Variants in SORL1 observed in about 807,000 individuals in gnomAD.
SORL1 encodes the protein sortilin related receptor 1.
In SORL1, 127 loss-of-function variants were observed where a neutral mutation model predicts 273.7. The ratio of observed to expected loss-of-function variants is 0.46; its 90% CI spans 0.40 to 0.54. The LOEUF (loss-of-function observed/expected upper bound fraction) is 0.54. SORL1 is among the 20% of genes least tolerant of loss of function. The pLI, the probability that SORL1 is intolerant of heterozygous loss-of-function variation, is 0.00. For synonymous variants in SORL1, 1,031 were observed against 1,067.4 expected (o/e 0.97, Z 0.66); for missense variants, 2,494 against 2,846.1 (o/e 0.88, Z 2.81).
In SORL1 at chr11:121,595,805, C is replaced by A; in HGVS notation, c.4519+33C>A. The A allele has an allele frequency of 6.2e-7, 1 of 1,603,652 alleles. No homozygotes were observed. Among genetic ancestry groups the A allele is most frequent in the Non-Finnish European group, 8.5e-7 (1 of 1,178,110 alleles). On this transcript the variant is annotated intron_variant, in intron 32 of 47. Coordinates refer to ENST00000260197, the MANE Select transcript of SORL1 (RefSeq NM_003105.6). The surrounding 1 kb of genome is among the most constrained non-coding windows in gnomAD (Gnocchi z 5.1). The stretch of plus-strand genomic sequence containing the variant: ...GTCAGAGAGCCCTTCACCCCCTGGG[C>A]ACGTTTCTGCAGAGAGCACAGTTCT...
At chr11:121,553,914 C>T (rs1327160891) in intron 16 of SORL1, 23 bp from the exon 17 acceptor site, 2 of 1,604,272 alleles carry the variant, frequency 1.2e-6, no homozygotes, top group Admixed American at 1.7e-5. Flanking sequence ...TCCAACCTCC[C>T]ACGTGTCTTG....
intron 19 of SORL1, 37 bp from the exon 20 acceptor site, chr11:121,558,554 A>G: frequency 1.9e-6 from 3 of 1,611,184 alleles, no homozygotes; most frequent in Non-Finnish European, 2.5e-6. Flanking sequence ...TTTCTCTAGT[A>G]TTGATGAGGT....
chr11:121,559,540 T>G lies in SORL1; in HGVS notation c.2932T>G (p.Trp978Gly). The G allele has an allele frequency of 6.2e-7, 1 of 1,613,620 alleles. No individual in the cohort carries two copies. Among genetic ancestry groups the G allele is most frequent in the Non-Finnish European group, 8.5e-7 (1 of 1,179,868 alleles). ...TTAGAATGAAATCTACTGGGATGAC[T>G]GGTCACAGCTCAGCATATTCCGAGC... ...VFKNEIYWDD[W>G]SQLSIFRASK... Residue 978 changes from tryptophan to glycine, a missense_variant, in exon 21 of 48, where the codon TGG (tryptophan) becomes GGG (glycine). Physicochemically the swap from Trp to Gly is radical, Grantham distance 184 (BLOSUM62 -2). Around this residue, in one of 3 missense-constraint regions of SORL1, gnomAD observed 1,609 missense variants for 1,816.4 expected, o/e 0.89. Coordinates refer to ENST00000260197, the MANE Select transcript of SORL1 (RefSeq NM_003105.6).
intron 28 of SORL1, among the ~76,000 whole-genome samples, chr11:121,588,830 T>C (rs1863162224): frequency 6.6e-6 from 1 of 152,148 alleles, no homozygotes; most frequent in Non-Finnish European, 1.5e-5. Flanking sequence ...CTGGCTGCCT[T>C]CTCCCTGGCT....
At chr11:121,519,541 C>T (rs1303212433) in intron 8 of SORL1, among the ~76,000 whole-genome samples, 1 of 152,000 alleles carries the variant, frequency 6.6e-6, no homozygotes, top group African/African-American at 2.4e-5. Flanking sequence ...AGAATATAAC[C>T]CCAAGCTTTC....
At chr11:121,522,399 A>T (rs1301034016) in intron 9 of SORL1, among the ~76,000 whole-genome samples, 187 bp from the exon 10 acceptor site, 2 of 152,186 alleles carry the variant, frequency 1.3e-5, no homozygotes, top group African/African-American at 4.8e-5. Flanking sequence ...CGGGACATTT[A>T]TGTGGGTTCA....
intron 25 of SORL1, among the ~76,000 whole-genome samples, chr11:121,579,570 G>A (rs971577061): frequency 3.9e-5 from 6 of 152,060 alleles, no homozygotes; most frequent in African/African-American, 1.4e-4. Context: ...ACAATTACCT[G>A]TAGACATTTT....
chr11:121,456,893 T>C (rs1336358267), intron 1 of SORL1, among the ~76,000 whole-genome samples: 1 of 152,206 alleles, frequency 6.6e-6, no homozygotes, highest in Non-Finnish European at 1.5e-5. Flanking sequence ...GCTTTAGATC[T>C]CTTTTGAGTA....
At chr11:121,532,038 T>C (rs1179985071) in intron 11 of SORL1, among the ~76,000 whole-genome samples, 1 of 152,202 alleles carries the variant, frequency 6.6e-6, no homozygotes, top group African/African-American at 2.4e-5. Context: ...CCACTGGTAG[T>C]TGTTTTTTGT....
At chr11:121,471,019 T>C (rs1170604175) in intron 2 of SORL1, among the ~76,000 whole-genome samples, 3 of 152,218 alleles carry the variant, frequency 2.0e-5, no homozygotes, top group Non-Finnish European at 4.4e-5. Flanking sequence ...CAGAGAAATA[T>C]GGTTTCTCCC....
rs1368449704 is a variant in SORL1, at chr11:121,545,250, C to A, written c.1872C>A (p.Pro624=). 3.1e-6 allele frequency: 5 copies of A among 1,614,024 alleles called. No homozygotes were observed. Among genetic ancestry groups the A allele is most frequent in the African/African-American group, 2.7e-5 (2 of 74,910 alleles). Residue 624 remains proline, a synonymous_variant, in exon 14 of 48, where the codon CCC becomes CCA. Transcript: ENST00000260197. The stretch of plus-strand genomic sequence containing the variant: ...GTGTTCCTTTTTCTTTAGGAGTTCC[C>A]TGCACAGAGAATGACTACAAGCTGT... ...QVNATDALGV[P]CTENDYKLWS... is the part of the protein sequence containing the mutation.
At chr11:121,467,030 C>CTTTTTTT (rs58596501) in intron 1 of SORL1, among the ~76,000 whole-genome samples, 3 of 125,306 alleles carry the variant, frequency 2.4e-5, no homozygotes, top group Admixed American at 8.8e-5. Flanking sequence ...TTCTTTTTTT[C>CTTTTTTT]TTTTTTTTTT....
At chr11:121,480,713 C>T (rs1167521944) in intron 3 of SORL1, among the ~76,000 whole-genome samples, 1 of 144,286 alleles carries the variant, frequency 6.9e-6, no homozygotes, top group African/African-American at 2.6e-5. Context: ...TCTCCTCCTC[C>T]CCAGCTCCTC....
intron 1 of SORL1, among the ~76,000 whole-genome samples, chr11:121,454,521 C>T (rs1860868990): frequency 6.6e-6 from 1 of 152,146 alleles, no homozygotes; most frequent in African/African-American, 2.4e-5. Flanking sequence ...GAGTTTGGTT[C>T]AGCTGAAGGA....
At chr11:121,464,678 G>A (rs1861055904) in intron 1 of SORL1, among the ~76,000 whole-genome samples, 1 of 152,204 alleles carries the variant, frequency 6.6e-6, no homozygotes. Context: ...CGATGAAGAT[G>A]CCGAGGCGAG....
At chr11:121,593,056 T>C (rs749044304) in intron 31 of SORL1, among the ~76,000 whole-genome samples, 3 of 152,228 alleles carry the variant, frequency 2.0e-5, no homozygotes, top group Admixed American at 6.5e-5. Flanking sequence ...TAACCTCATA[T>C]TTCTCCCCCT....
At chr11:121,500,075 C>T (rs983931793) in intron 6 of SORL1, among the ~76,000 whole-genome samples, 3 of 152,106 alleles carry the variant, frequency 2.0e-5, no homozygotes, top group African/African-American at 7.2e-5. Context: ...TTATTCCTTG[C>T]TTTTTGACAT....
At chr11:121,615,776 G>T (rs1240379036) in intron 41 of SORL1, among the ~76,000 whole-genome samples, 2 of 152,156 alleles carry the variant, frequency 1.3e-5, no homozygotes, top group African/African-American at 4.8e-5. Context: ...CAGTGAAGAA[G>T]AAGGAAGAAG....
chr11:121,550,251 C>G lies in SORL1; in HGVS notation c.2180+163C>G, dbSNP rs779592557. 4.8e-4 allele frequency among the ~76,000 whole-genome samples: 73 copies of G among 152,312 alleles called. No homozygotes were observed. Among genetic ancestry groups the G allele is most frequent in the Middle Eastern group, 3.4e-3 (1 of 294 alleles). ...CATTATAAATTATGGTATTTGTAAA[C>G]TCTCCTACCTCCACATTGCAAGTCT... is the stretch of plus-strand genomic sequence containing the variant. On this transcript the variant is annotated intron_variant, in intron 15 of 47. Coordinates refer to ENST00000260197, the MANE Select transcript of SORL1 (RefSeq NM_003105.6). This position sits in a 1 kb window ranked among gnomAD's most constrained non-coding sequence, Gnocchi z 5.3.
Sources: gnomAD v4.1 joint callset for allele counts (sites outside exome capture counted in the v4.1 genomes callset) on GRCh38, gnomAD v4.1.1 for gene constraint, gnomAD v4.1.1 regional missense constraint, Gnocchi (gnomAD v3.1) non-coding constraint, MANE v1.5 for transcripts, NCBI Gene and HGNC (gene_info 2026-07-23, HGNC 2026-07-21) for gene names.